AJAP1: variants seen among roughly 807,000 people sequenced by gnomAD.
AJAP1 encodes adherens junctions associated protein 1, also known as adherens junction-associated protein 1.
AJAP1 carries 5 observed loss-of-function variants against 35.0 expected under a neutral mutation model. That is an observed-to-expected ratio of 0.14 (90% CI 0.07 to 0.30). The LOEUF is 0.30. AJAP1 is among the 10% of genes least tolerant of loss of function. AJAP1 has a pLI of 1.00. For synonymous variants in AJAP1, 284 were observed against 249.3 expected, an observed-to-expected ratio of 1.14 and a Z score of -1.31; for missense variants, 586 against 571.0, an observed-to-expected ratio of 1.03 and a Z score of -0.27.
intron 2 of AJAP1, among the ~76,000 whole-genome samples, chr1:4,757,221 G>C (rs114003204): frequency 2.6e-5 from 4 of 152,182 alleles, no homozygotes; most frequent in African/African-American, 9.6e-5. Context: ...TCCCCTTTCC[G>C]CCTCCCCTGT....
Position 4,693,749 on chromosome 1 carries a change from G to A in AJAP1, c.30-18151G>A, listed in dbSNP as rs1369407313. Among the ~76,000 whole-genome samples the A allele has an allele frequency of 1.3e-5, 2 of 152,234 alleles. No homozygotes were observed. The highest frequency in any genetic ancestry group is 2.9e-5 in the Non-Finnish European group (2 of 68,050). On this transcript the variant is annotated intron_variant, in intron 1 of 5. Coordinates refer to ENST00000378191, the MANE Select transcript of AJAP1 (RefSeq NM_018836.4). This position sits in a 1 kb window ranked among gnomAD's most constrained non-coding sequence, Gnocchi z 4.4. ...CCACGTCTCGCTGGGGCTTCTTGCT[G>A]TGTAATCCCGTGGTGGAAGCAGGAG...
chr1:4,712,754 T>C, intron 2 of AJAP1, 55 bp downstream of exon 2: 1 of 1,473,982 alleles, frequency 6.8e-7, no homozygotes, highest in South Asian at 1.4e-5. Flanking sequence ...GCTGGGAGCG[T>C]GACTCGGGAG....
At position 4,675,074 on chromosome 1, in the gene AJAP1, G is replaced by C. The variant is rs560922532; in HGVS notation, c.29+19620G>C. Among the ~76,000 whole-genome samples the C allele has an allele frequency of 2.0e-5, 3 of 152,242 alleles. No homozygotes were observed. The East Asian group carries it at 5.8e-4, about 30-fold the overall frequency. On this transcript the variant is annotated intron_variant, in intron 1 of 5. Transcript: ENST00000378191. Reference sequence around the variant, plus strand: ...GAGCCATCAGGGCTGGAGAGCGGTGGGGGGGAAACAGAGCAAAACCCGTGC... The same window carrying C: ...GAGCCATCAGGGCTGGAGAGCGGTGCGGGGGAAACAGAGCAAAACCCGTGC...
chr1:4,762,560 G>T (rs1317191726), intron 2 of AJAP1, among the ~76,000 whole-genome samples: 1 of 152,318 alleles, frequency 6.6e-6, no homozygotes, highest in East Asian at 1.9e-4. Flanking sequence ...GGATGAGACA[G>T]TGCTGTCTAC....
At chr1:4,705,016 C>T (rs1640069776) in intron 1 of AJAP1, among the ~76,000 whole-genome samples, 2 of 151,988 alleles carry the variant, frequency 1.3e-5, no homozygotes, top group Admixed American at 1.3e-4. Context: ...TTGTTTTTTT[C>T]TTGTAAATTT....
intron 1 of AJAP1, among the ~76,000 whole-genome samples, chr1:4,662,170 A>G (rs1639013959): frequency 6.6e-6 from 1 of 152,142 alleles, no homozygotes. Flanking sequence ...GCCGAGTTGC[A>G]CAACTATTGC....
At chr1:4,762,993 T>A (rs116559676) in intron 2 of AJAP1, among the ~76,000 whole-genome samples, 1 of 151,932 alleles carries the variant, frequency 6.6e-6, no homozygotes, top group East Asian at 1.9e-4. Context: ...AAGGAAAGCG[T>A]TGGAGGGAGA....
chr1:4,705,853 G>A (rs1640089759), intron 1 of AJAP1, among the ~76,000 whole-genome samples: 2 of 152,042 alleles, frequency 1.3e-5, no homozygotes, highest in Non-Finnish European at 2.9e-5. Context: ...ATGGGTTCCT[G>A]GGACTGAAAA....
At chr1:4,745,251 G>A (rs1641162935) in intron 2 of AJAP1, among the ~76,000 whole-genome samples, 2 of 152,180 alleles carry the variant, frequency 1.3e-5, no homozygotes, top group Admixed American at 6.5e-5. Context: ...TAAATGAGTT[G>A]TTTTGGAGCC....
chr1:4,718,669 G>T (rs891857243), intron 2 of AJAP1, among the ~76,000 whole-genome samples: 3 of 152,024 alleles, frequency 2.0e-5, no homozygotes, highest in Non-Finnish European at 4.4e-5. Context: ...TTTTAGTAGA[G>T]ACAGGGTTTC....
chr1:4,725,482 TA>T (rs1482191335), intron 2 of AJAP1, among the ~76,000 whole-genome samples: 3 of 152,084 alleles, frequency 2.0e-5, no homozygotes. Context: ...GTTTAATGAA[TA>T]GGTAGACTCC....
chr1:4,655,929 C>T lies in AJAP1; in HGVS notation c.29+475C>T, dbSNP rs1213961842. ...GGAGGAAACCACAGCCAAACAGCCACTCCGCTCCCCCTTCTCCTTTCTCGG... is the reference window on the plus strand; with the variant it reads ...GGAGGAAACCACAGCCAAACAGCCATTCCGCTCCCCCTTCTCCTTTCTCGG... On this transcript the variant is annotated intron_variant, in intron 1 of 5. Transcript: ENST00000378191. The surrounding 1 kb of genome is among the most constrained non-coding windows in gnomAD (Gnocchi z 6.9). 9.2e-5 allele frequency among the ~76,000 whole-genome samples: 14 copies of T among 151,926 alleles called. No homozygotes were observed.
In AJAP1 at chr1:4,754,690, C is replaced by T. The variant is rs146146060; in HGVS notation, c.830-15163C>T. Among the ~76,000 whole-genome samples the T allele has an allele frequency of 1.0e-3, 157 of 152,316 alleles. 1 individual carries two copies. Among genetic ancestry groups the T allele is most frequent in the African/African-American group, 3.2e-3 (134 of 41,572 alleles). ...GTTTGTTTCTGTTTGTTTTCGGTGA[C>T]GGGGCCTCAGTCTTGTGCTTTGAAA... On this transcript the variant is annotated intron_variant, in intron 2 of 5. Coordinates refer to ENST00000378191, the MANE Select transcript of AJAP1 (RefSeq NM_018836.4).
intron 2 of AJAP1, among the ~76,000 whole-genome samples, chr1:4,739,978 G>A (rs1045243155): frequency 6.6e-6 from 1 of 152,100 alleles, no homozygotes; most frequent in Non-Finnish European, 1.5e-5. Context: ...TCCAGCTCAC[G>A]ACACCTCTCA....
intron 2 of AJAP1, among the ~76,000 whole-genome samples, chr1:4,750,576 G>A (rs182517861): frequency 6.6e-6 from 1 of 151,666 alleles, no homozygotes; most frequent in East Asian, 2.0e-4. Context: ...GCTGGGATGG[G>A]CACAGTTACA....
At chr1:4,733,971 C>T (rs918798202) in intron 2 of AJAP1, among the ~76,000 whole-genome samples, 1 of 152,142 alleles carries the variant, frequency 6.6e-6, no homozygotes, top group African/African-American at 2.4e-5. Context: ...CTGAATGGAG[C>T]GGTTCACGCG....
chr1:4,750,900 A>G (rs1641306090), intron 2 of AJAP1, among the ~76,000 whole-genome samples: 1 of 148,640 alleles, frequency 6.7e-6, no homozygotes, highest in African/African-American at 2.5e-5. Flanking sequence ...GCCAGGAAGC[A>G]GGGAAAAGAC....
Position 4,675,891 on chromosome 1 carries a change from C to T in AJAP1, c.29+20437C>T, listed in dbSNP as rs551245620. On this transcript the variant is annotated intron_variant, in intron 1 of 5. Coordinates refer to ENST00000378191, the MANE Select transcript of AJAP1 (RefSeq NM_018836.4). ...AGATGGATGGTGAGTGGTTTCTCTC[C>T]CGCTAAGGAAGACATTCTGGAGGGT... Among the ~76,000 whole-genome samples the T allele has an allele frequency of 1.2e-4, 19 of 152,318 alleles. No homozygotes were observed. The South Asian group carries it at 2.3e-3, about 18-fold the overall frequency.
rs148426511 is a variant in AJAP1 at position 4,683,860 on chromosome 1, C to T, written c.30-28040C>T. Among the ~76,000 whole-genome samples the T allele has an allele frequency of 2.6e-4, 39 of 152,280 alleles. 1 individual carries two copies. The highest frequency in any genetic ancestry group is 7.5e-4 in the African/African-American group (31 of 41,562). ...GGACTTGCACAGGTGCAGTGTTAGA[C>T]GGTCAAGAAAGCCTGATGCTTAGGG... On this transcript the variant is annotated intron_variant, in intron 1 of 5. Transcript: ENST00000378191.
Sources: allele counts gnomAD v4.1 joint callset (sites outside exome capture counted in the v4.1 genomes callset), GRCh38; gene constraint gnomAD v4.1.1; non-coding constraint Gnocchi (gnomAD v3.1); transcripts MANE v1.5; gene names NCBI Gene and HGNC (gene_info 2026-07-23, HGNC 2026-07-21).